The following ZPBP variants were observed in gnomAD, a reference collection of about 807,000 sequenced individuals.
ZPBP encodes the protein zona pellucida-binding protein 1.
Under a neutral mutation model 44.8 loss-of-function variants are expected in ZPBP, and 26 were observed. That is an observed-to-expected ratio of 0.58 (90% CI 0.43 to 0.81). The LOEUF is 0.81. ZPBP is among the 30% of genes least tolerant of loss of function. The probability of loss-of-function intolerance (pLI) is 0.00; values close to 1 mark genes in which losing one functional copy is unlikely to be tolerated. For synonymous variants in ZPBP, 174 were observed against 153.2 expected (o/e 1.14, Z -1.00); for missense variants, 409 against 434.0 (o/e 0.94, Z 0.51).
chr7:49,932,116 G>A (rs899790505), intron 1 of ZPBP, among the ~76,000 whole-genome samples: 5 of 152,370 alleles, frequency 3.3e-5, no homozygotes, highest in Middle Eastern at 3.4e-3. Context: ...GAGTTCTCAT[G>A]GAGAACCTCT....
chr7:49,934,002 T>C (rs532707124), downstream of ZPBP, among the ~76,000 whole-genome samples: 90 of 150,430 alleles, frequency 6.0e-4, 1 homozygote, highest in African/African-American at 1.9e-3. Flanking sequence ...TGTATACATA[T>C]GTAACAAACC....
At chr7:49,969,738 T>C (rs1001006932) in intron 7 of ZPBP, among the ~76,000 whole-genome samples, 19 of 151,418 alleles carry the variant, frequency 1.3e-4, no homozygotes, top group African/African-American at 4.6e-4. Flanking sequence ...TATATGAGAA[T>C]CTAGTTGGGT....
intron 1 of ZPBP, chr7:49,919,004 G>A (rs1413975696): frequency 2.0e-5 from 3 of 150,968 alleles, no homozygotes; most frequent in Non-Finnish European, 4.4e-5. Context: ...TGCTTGAGCC[G>A]AGATCGCGTC....
rs1470050753 is a variant in ZPBP at position 50,092,883 on chromosome 7, T to C, written c.127+185A>G. ...TATACCTTAATTTCCTGTCATTCAC[T>C]CCTCTATGCAAATGCAGAGTGACTT... On this transcript the variant is annotated intron_variant, in intron 1 of 7. Transcript: ENST00000046087. 1.4e-5 allele frequency: 12 copies of C among 855,080 alleles called. No homozygotes were observed. The East Asian group carries it at 2.1e-4, about 15-fold the overall frequency. 53.0% of individuals were successfully genotyped at this position (855,080 alleles called of 1,614,324 possible). A position where few individuals can be genotyped will look rare whatever the true frequency, so the allele number is the denominator to read the frequency against.
chr7:49,852,996 C>T (rs1790255390), intron 2 of ZPBP, among the ~76,000 whole-genome samples: 1 of 152,210 alleles, frequency 6.6e-6, no homozygotes, highest in Admixed American at 6.5e-5. Flanking sequence ...CAGTCCAGAG[C>T]CCTTTCCTCT....
intron 5 of ZPBP, among the ~76,000 whole-genome samples, chr7:50,022,533 A>G (rs1242038904): frequency 1.3e-5 from 2 of 152,070 alleles, no homozygotes; most frequent in African/African-American, 4.8e-5. Flanking sequence ...TAATAAAATG[A>G]AATGAGAAGG....
At chr7:50,089,607 G>A in intron 2 of ZPBP, 22 bp downstream of exon 2, 1 of 1,545,616 alleles carries the variant, frequency 6.5e-7, no homozygotes, top group Non-Finnish European at 8.9e-7. Context: ...TTAAAAATTA[G>A]TGAAAATATA....
chr7:49,973,193 T>C (rs535149081), intron 7 of ZPBP, among the ~76,000 whole-genome samples: 3 of 151,400 alleles, frequency 2.0e-5, no homozygotes, highest in East Asian at 3.9e-4. Flanking sequence ...AACAAAACCA[T>C]AGACAACAAA....
At chr7:49,951,539 C>CTT (rs200672287) in intron 7 of ZPBP, among the ~76,000 whole-genome samples, 3 of 138,208 alleles carry the variant, frequency 2.2e-5, no homozygotes, top group African/African-American at 2.6e-5. Context: ...AATGGTTAAA[C>CTT]TTTTTTTTTT....
intron 2 of ZPBP, among the ~76,000 whole-genome samples, chr7:49,900,516 AT>A (rs1311333235): frequency 1.3e-5 from 2 of 151,812 alleles, no homozygotes; most frequent in Admixed American, 6.6e-5. Flanking sequence ...TAATAAAAAA[AT>A]ACTACAAACA....
intron 4 of ZPBP, among the ~76,000 whole-genome samples, chr7:50,045,328 G>C (rs1019245785): frequency 6.6e-6 from 1 of 152,046 alleles, no homozygotes; most frequent in Admixed American, 6.6e-5. Context: ...AAACATAAAG[G>C]GTATTCAAAT....
intron 4 of ZPBP, among the ~76,000 whole-genome samples, chr7:50,047,817 T>A (rs1214934681): frequency 6.6e-6 from 1 of 152,066 alleles, no homozygotes; most frequent in South Asian, 2.1e-4. Flanking sequence ...TATGGCAATA[T>A]CTCCATATCA....
chr7:50,037,859 T>C (rs977804346), intron 4 of ZPBP, among the ~76,000 whole-genome samples: 1 of 152,144 alleles, frequency 6.6e-6, no homozygotes, highest in Non-Finnish European at 1.5e-5. Context: ...CAGCTTTCAG[T>C]TAATAGACTA....
intron 4 of ZPBP, among the ~76,000 whole-genome samples, chr7:50,051,858 C>A (rs1189502288): frequency 1.3e-5 from 2 of 152,070 alleles, no homozygotes; most frequent in African/African-American, 4.8e-5. Flanking sequence ...ACATGCTGAA[C>A]TTAATATCCA....
intron 7 of ZPBP, among the ~76,000 whole-genome samples, chr7:49,982,171 A>ATATAATTTATTATTATATATAT (rs1554361385): frequency 2.5e-4 from 1 of 4,014 alleles, no homozygotes; most frequent in African/African-American, 1.3e-3. Context: ...TATATATTAT[A>ATATAATTTATTATTATATATAT]TATATATAAT....
At chr7:49,969,509 CA>C (rs35476493) in intron 7 of ZPBP, among the ~76,000 whole-genome samples, 66 of 138,476 alleles carry the variant, frequency 4.8e-4, no homozygotes, top group African/African-American at 1.1e-3. Flanking sequence ...ATAGTATGGT[CA>C]AAAAAAAAAA....
chr7:49,996,971 A>G (rs1797874611), intron 6 of ZPBP, among the ~76,000 whole-genome samples: 1 of 152,204 alleles, frequency 6.6e-6, no homozygotes, highest in Non-Finnish European at 1.5e-5. Context: ...CGTTGCATTT[A>G]GGCTTCCAGT....
intron 7 of ZPBP, among the ~76,000 whole-genome samples, chr7:49,982,354 TATATATA>T (rs1260709568): frequency 1.6e-5 from 2 of 128,598 alleles, no homozygotes; most frequent in African/African-American, 5.8e-5. Flanking sequence ...AATATATAAT[TATATATA>T]ATATATAATA....
chr7:49,946,523 ACT>A (rs1795111239), intron 7 of ZPBP, among the ~76,000 whole-genome samples: 1 of 151,132 alleles, frequency 6.6e-6, no homozygotes, highest in Admixed American at 6.6e-5. Context: ...ATGTCATACC[ACT>A]CTCTCCTGGC....
Sources: gnomAD v4.1 joint callset for allele counts (sites outside exome capture counted in the v4.1 genomes callset) on GRCh38, gnomAD v4.1.1 for gene constraint, MANE v1.5 for transcripts, NCBI Gene and HGNC (gene_info 2026-07-23, HGNC 2026-07-21) for gene names.